LDLRAD3: variants seen among roughly 807,000 people sequenced by gnomAD.
LDLRAD3 encodes the protein low-density lipoprotein receptor class A domain-containing protein 3.
A neutral mutation model predicts 29.4 loss-of-function variants in LDLRAD3; 20 were observed. That is an observed-to-expected ratio of 0.68 (90% CI 0.48 to 0.99). The LOEUF (loss-of-function observed/expected upper bound fraction) is 0.99. Ranked by LOEUF, LDLRAD3 falls within the 50% of genes least tolerant of loss-of-function variation. LDLRAD3 has a pLI of 0.00. For missense variants in LDLRAD3, 420 were observed against 454.3 expected, an observed-to-expected ratio of 0.92 and a Z score of 0.69; for synonymous variants, 157 against 192.7, an observed-to-expected ratio of 0.81 and a Z score of 1.53.
rs942116269 is a variant in LDLRAD3, at chr11:36,168,311, G to A, written c.455-58774G>A. Among the ~76,000 whole-genome samples, 5 of 152,126 alleles carry A rather than the reference G, an allele frequency of 3.3e-5. No homozygotes were observed. In the East Asian group the frequency reaches 9.7e-4, roughly 29 times the overall value. Reference sequence around the variant, plus strand: ...AACCTCCTGGCATAGCACTAAGCTTGAGCATGCAATTTTTGGTGCCTCCCT... The same window carrying A: ...AACCTCCTGGCATAGCACTAAGCTTAAGCATGCAATTTTTGGTGCCTCCCT... On this transcript the variant is annotated intron_variant, in intron 4 of 5. Transcript: ENST00000315571.
At chr11:36,200,045 T>C (rs2133373476) in intron 4 of LDLRAD3, among the ~76,000 whole-genome samples, 1 of 152,228 alleles carries the variant, frequency 6.6e-6, no homozygotes, top group Non-Finnish European at 1.5e-5. Flanking sequence ...CATGCACCTG[T>C]AGTCCTAGCT....
chr11:36,080,807 T>C (rs778858119), intron 2 of LDLRAD3, among the ~76,000 whole-genome samples: 1 of 152,186 alleles, frequency 6.6e-6, no homozygotes, highest in African/African-American at 2.4e-5. Context: ...CCTCTCCCAG[T>C]TGAGCCCAAA....
intron 1 of LDLRAD3, among the ~76,000 whole-genome samples, chr11:35,963,264 T>TAA (rs1851299668): frequency 6.6e-6 from 1 of 152,160 alleles, no homozygotes. Flanking sequence ...GCTTGAAACT[T>TAA]ACATTTTTTT....
intron 1 of LDLRAD3, among the ~76,000 whole-genome samples, chr11:36,009,680 G>A (rs1196299664): frequency 3.3e-5 from 5 of 152,144 alleles, no homozygotes; most frequent in African/African-American, 1.2e-4. Flanking sequence ...TTGCTGATTT[G>A]CTTACCGAAA....
At chr11:36,215,404 A>C (rs909018718) in intron 4 of LDLRAD3, among the ~76,000 whole-genome samples, 5 of 152,210 alleles carry the variant, frequency 3.3e-5, no homozygotes, top group Non-Finnish European at 1.5e-5. Context: ...TGGAAAAGAC[A>C]CTACGGGGAG....
At chr11:36,157,226 T>C (rs1358947966) in intron 4 of LDLRAD3, among the ~76,000 whole-genome samples, 1 of 152,206 alleles carries the variant, frequency 6.6e-6, no homozygotes, top group South Asian at 2.1e-4. Context: ...GAAACCATCA[T>C]AGAGGATCTC....
chr11:35,998,970 G>A (rs1851789307), intron 1 of LDLRAD3, among the ~76,000 whole-genome samples: 1 of 152,134 alleles, frequency 6.6e-6, no homozygotes, highest in South Asian at 2.1e-4. Flanking sequence ...TCAGTCATTC[G>A]TTCAGGACAC....
chr11:36,145,741 C>G, intron 4 of LDLRAD3, among the ~76,000 whole-genome samples: 1 of 150,944 alleles, frequency 6.6e-6, no homozygotes. Flanking sequence ...TGTGCTGTGT[C>G]CACTCAGGGT....
chr11:36,164,154 C>T (rs541369189), intron 4 of LDLRAD3, among the ~76,000 whole-genome samples: 1 of 152,312 alleles, frequency 6.6e-6, no homozygotes, highest in East Asian at 1.9e-4. Context: ...CCCTGGGAAT[C>T]TCAGCCACGC....
intron 4 of LDLRAD3, among the ~76,000 whole-genome samples, chr11:36,205,648 T>G (rs554983050): frequency 1.3e-5 from 2 of 152,348 alleles, no homozygotes; most frequent in East Asian, 3.9e-4. Context: ...TAGCTCCATT[T>G]GGGGCCTGTG....
chr11:36,008,331 G>T (rs1435340041), intron 1 of LDLRAD3, among the ~76,000 whole-genome samples: 4 of 152,154 alleles, frequency 2.6e-5, no homozygotes, highest in African/African-American at 9.7e-5. Context: ...TGAGAGTGCA[G>T]TTGTACCTCA....
intron 4 of LDLRAD3, among the ~76,000 whole-genome samples, chr11:36,142,575 G>A (rs1362561032): frequency 6.6e-6 from 1 of 152,128 alleles, no homozygotes; most frequent in African/African-American, 2.4e-5. Flanking sequence ...TGAACCCACT[G>A]TCTGGTTCCC....
At chr11:36,191,575 T>C (rs1228865671) in intron 4 of LDLRAD3, among the ~76,000 whole-genome samples, 1 of 72,308 alleles carries the variant, frequency 1.4e-5, no homozygotes, top group Admixed American at 1.4e-4. Context: ...TCTCTCTCTC[T>C]CTATATATAT....
Position 36,081,665 on chromosome 11 carries a change from C to G in LDLRAD3, c.206C>G (p.Ser69Trp). The G allele has an allele frequency of 6.2e-7, 1 of 1,614,222 alleles. No individual in the cohort carries two copies. Among genetic ancestry groups the G allele is most frequent in the African/African-American group, 1.3e-5 (1 of 75,052 alleles). Reference sequence around the variant, plus strand: ...TTTCTTCCTGCAGCCAAGGCTAAGTCGAAATGTGGCCCAACCTTCTTCCCC... The same window carrying G: ...TTTCTTCCTGCAGCCAAGGCTAAGTGGAAATGTGGCCCAACCTTCTTCCCC... Reference protein sequence around the residue: ...SDEKECPKAKSKCGPTFFPCA... With the variant: ...SDEKECPKAKWKCGPTFFPCA... The change falls in exon 3 of 6, where the codon TCG (serine) becomes TGG (tryptophan). Residue 69 changes from serine (S) to tryptophan (W), a missense_variant. By Grantham distance (177) the Ser-to-Trp change is radical. This residue lies in a region of LDLRAD3 where 224 missense variants were observed against 222.2 expected (regional missense o/e 1.01). Coordinates refer to ENST00000315571, the MANE Select transcript of LDLRAD3 (RefSeq NM_174902.4).
chr11:36,195,952 G>A (rs1419384788), intron 4 of LDLRAD3, among the ~76,000 whole-genome samples: 4 of 151,308 alleles, frequency 2.6e-5, no homozygotes, highest in Admixed American at 6.6e-5. Context: ...CATCAGTCAA[G>A]CATCACCTGA....
chr11:36,037,089 G>T (rs1003862464), intron 2 of LDLRAD3, among the ~76,000 whole-genome samples: 6 of 152,136 alleles, frequency 3.9e-5, no homozygotes, highest in African/African-American at 1.4e-4. Flanking sequence ...GTCCTCCTGG[G>T]TGCCCTGGTA....
chr11:36,108,360 G>A (rs73454627), intron 4 of LDLRAD3, among the ~76,000 whole-genome samples: 25,192 of 136,536 alleles, frequency 0.18, 2,486 homozygotes, highest in Admixed American at 0.23. Flanking sequence ...ATGCATTCCA[G>A]TTTCAGAATG....
intron 1 of LDLRAD3, among the ~76,000 whole-genome samples, chr11:36,001,877 A>T (rs1851829943): frequency 1.3e-5 from 2 of 151,588 alleles, no homozygotes; most frequent in Admixed American, 1.3e-4. Context: ...CTTGGTTTTC[A>T]CTCAGACTTT....
chr11:36,207,273 G>A (rs896881910), intron 4 of LDLRAD3, among the ~76,000 whole-genome samples: 16 of 152,148 alleles, frequency 1.1e-4, no homozygotes, highest in Admixed American at 2.0e-4. Context: ...GCAAGCAAAC[G>A]AGAAAATGAT....
Sources: allele counts gnomAD v4.1 joint callset (sites outside exome capture counted in the v4.1 genomes callset), GRCh38; gene constraint gnomAD v4.1.1; regional missense constraint gnomAD v4.1.1; transcripts MANE v1.5; gene names NCBI Gene and HGNC (gene_info 2026-07-23, HGNC 2026-07-21).